Variants in BABAM2 observed in about 807,000 individuals in gnomAD.
The protein encoded by BABAM2 is BRISC and BRCA1 A complex member 2.
Under a neutral mutation model 54.7 loss-of-function variants are expected in BABAM2, and 31 were observed. The ratio of observed to expected loss-of-function variants is 0.57; its 90% CI spans 0.43 to 0.77. The LOEUF (loss-of-function observed/expected upper bound fraction) is 0.77. BABAM2 is among the 30% of genes least tolerant of loss of function. The probability of loss-of-function intolerance (pLI) is 0.00; values close to 1 mark genes in which losing one functional copy is unlikely to be tolerated. For missense variants in BABAM2, 364 were observed against 455.8 expected, an observed-to-expected ratio of 0.80 and a Z score of 1.83; for synonymous variants, 167 against 162.9, an observed-to-expected ratio of 1.03 and a Z score of -0.19.
At chr2:28,073,403 C>T (rs948679116) in intron 6 of BABAM2, among the ~76,000 whole-genome samples, 2 of 152,106 alleles carry the variant, frequency 1.3e-5, no homozygotes, top group Non-Finnish European at 2.9e-5. Context: ...GAGGCTGAGG[C>T]AGGAGGACCA....
chr2:28,124,139 G>A (rs1233401564), intron 6 of BABAM2, among the ~76,000 whole-genome samples: 1 of 152,084 alleles, frequency 6.6e-6, no homozygotes, highest in Non-Finnish European at 1.5e-5. Flanking sequence ...TAGTCATTGG[G>A]GAAAGGTTTC....
chr2:28,133,343 A>T (rs956008553), intron 7 of BABAM2, among the ~76,000 whole-genome samples: 6 of 152,204 alleles, frequency 3.9e-5, no homozygotes, highest in African/African-American at 1.4e-4. Flanking sequence ...TTGATTATCG[A>T]TTCAGACTTG....
chr2:28,105,857 T>C (rs1158459439), intron 6 of BABAM2, among the ~76,000 whole-genome samples: 1 of 152,138 alleles, frequency 6.6e-6, no homozygotes, highest in African/African-American at 2.4e-5. Flanking sequence ...ATACATAATT[T>C]ATCATGCAAC....
chr2:28,223,837 T>G (rs1169657893), intron 7 of BABAM2, among the ~76,000 whole-genome samples: 31 of 152,186 alleles, frequency 2.0e-4, no homozygotes, highest in Admixed American at 2.0e-3. Flanking sequence ...AGCTATGAGC[T>G]TTTTTCCTTC....
At chr2:28,216,454 T>A (rs1201929792) in intron 7 of BABAM2, among the ~76,000 whole-genome samples, 1 of 152,240 alleles carries the variant, frequency 6.6e-6, no homozygotes, top group Non-Finnish European at 1.5e-5. Context: ...CAAACCAGCC[T>A]GTAATTGCAG....
intron 10 of BABAM2, among the ~76,000 whole-genome samples, chr2:28,254,006 G>A (rs765112784): frequency 1.3e-5 from 2 of 152,188 alleles, no homozygotes; most frequent in African/African-American, 2.4e-5. Context: ...TACCAAAAAC[G>A]TGATTTAACC....
chr2:28,040,112 C>T (rs1445909489), intron 5 of BABAM2, among the ~76,000 whole-genome samples: 1 of 151,944 alleles, frequency 6.6e-6, no homozygotes, highest in Non-Finnish European at 1.5e-5. Context: ...AAATATAAAA[C>T]CACATGAAAA....
At chr2:27,983,398 G>A (rs568039047) in intron 3 of BABAM2, among the ~76,000 whole-genome samples, 1 of 152,154 alleles carries the variant, frequency 6.6e-6, no homozygotes, top group South Asian at 2.1e-4. Flanking sequence ...TTATAATTGA[G>A]AACGCCTGCA....
intron 7 of BABAM2, among the ~76,000 whole-genome samples, chr2:28,210,953 T>C (rs1679390881): frequency 3.3e-5 from 5 of 152,246 alleles, no homozygotes; most frequent in African/African-American, 9.6e-5. Flanking sequence ...GTGTTAACTC[T>C]TAATTCCTTA....
intron 4 of BABAM2, among the ~76,000 whole-genome samples, chr2:28,014,308 C>T (rs943452343): frequency 2.0e-5 from 3 of 151,922 alleles, no homozygotes; most frequent in Admixed American, 6.6e-5. Context: ...AAACAAAAAC[C>T]AGAACAACAG....
intron 5 of BABAM2, among the ~76,000 whole-genome samples, chr2:28,039,233 ACT>A (rs1437707650): frequency 6.6e-6 from 1 of 151,990 alleles, no homozygotes; most frequent in Non-Finnish European, 1.5e-5. Context: ...ACTCTTTGTT[ACT>A]CTCTCAATAA....
intron 3 of BABAM2, among the ~76,000 whole-genome samples, chr2:27,950,126 T>C (rs1293060009): frequency 2.0e-4 from 30 of 152,168 alleles, no homozygotes; most frequent in Non-Finnish European, 4.4e-5. Flanking sequence ...AAATGACCTT[T>C]CCTTAACTTG....
intron 11 of BABAM2, among the ~76,000 whole-genome samples, chr2:28,321,367 A>G (rs970436093): frequency 2.0e-5 from 3 of 152,182 alleles, no homozygotes; most frequent in Non-Finnish European, 2.9e-5. Flanking sequence ...AATGATTGCC[A>G]CGTGTTCCTC....
chr2:28,042,671 C>T (rs558588090), intron 5 of BABAM2, among the ~76,000 whole-genome samples: 1 of 151,950 alleles, frequency 6.6e-6, no homozygotes, highest in African/African-American at 2.4e-5. Context: ...ATGTAGACCT[C>T]AAATATAGAT....
intron 7 of BABAM2, among the ~76,000 whole-genome samples, chr2:28,160,188 C>T (rs1255128183): frequency 6.6e-6 from 1 of 152,098 alleles, no homozygotes; most frequent in Non-Finnish European, 1.5e-5. Flanking sequence ...CACTAAGTTG[C>T]TCAGGCCAGT....
At chr2:28,299,252 A>AC (rs1687929259) in intron 11 of BABAM2, among the ~76,000 whole-genome samples, 1 of 152,242 alleles carries the variant, frequency 6.6e-6, no homozygotes, top group African/African-American at 2.4e-5. Flanking sequence ...GTTTAGAGGT[A>AC]CAACTATTGC....
chr2:28,164,442 G>T (rs1031800483), intron 7 of BABAM2, among the ~76,000 whole-genome samples: 1 of 151,862 alleles, frequency 6.6e-6, no homozygotes. Context: ...CACACAGGCC[G>T]CAGAGCCTGT....
At chr2:28,091,290 A>T (rs949209591) in intron 6 of BABAM2, among the ~76,000 whole-genome samples, 2 of 152,212 alleles carry the variant, frequency 1.3e-5, no homozygotes, top group African/African-American at 2.4e-5. Flanking sequence ...AACCAGATGG[A>T]TAGGTGATAC....
chr2:28,294,302 C>A (rs192104211), intron 10 of BABAM2, among the ~76,000 whole-genome samples: 1 of 152,016 alleles, frequency 6.6e-6, no homozygotes, highest in East Asian at 1.9e-4. Context: ...ACCACTTGAA[C>A]CTGGGAGGTG....
Sources: allele counts gnomAD v4.1 joint callset (sites outside exome capture counted in the v4.1 genomes callset), GRCh38; gene constraint gnomAD v4.1.1; transcripts MANE v1.5; gene names NCBI Gene and HGNC (gene_info 2026-07-23, HGNC 2026-07-21).